AQR: variants seen among roughly 807,000 people sequenced by gnomAD.
The protein encoded by AQR is aquarius intron-binding spliceosomal factor.
Under a neutral mutation model 180.5 loss-of-function variants are expected in AQR, and 61 were observed. The observed-to-expected ratio is 0.34, with a 90% CI of 0.28 to 0.42. The LOEUF (loss-of-function observed/expected upper bound fraction) is 0.42. AQR is among the 10% of genes least tolerant of loss of function. The pLI, the probability that AQR is intolerant of heterozygous loss-of-function variation, is 1.00. For missense variants in AQR, 1,281 were observed against 1,798.3 expected, an observed-to-expected ratio of 0.71 and a Z score of 5.20; for synonymous variants, 551 against 588.8, an observed-to-expected ratio of 0.94 and a Z score of 0.93.
At chr15:34,947,100 C>G (rs1024140945) in intron 5 of AQR, among the ~76,000 whole-genome samples, 1 of 152,114 alleles carries the variant, frequency 6.6e-6, no homozygotes, top group African/African-American at 2.4e-5. Context: ...ATTGAGAAAT[C>G]GGATGGTTGC....
chr15:34,903,660 G>A (rs144983230), intron 19 of AQR, among the ~76,000 whole-genome samples: 3 of 152,192 alleles, frequency 2.0e-5, no homozygotes, highest in East Asian at 1.9e-4. Context: ...AAAATGATAG[G>A]AATGTCTAAG....
intron 23 of AQR, 54 bp downstream of exon 23, chr15:34,893,609 A>ATG: frequency 2.2e-5 from 9 of 402,348 alleles, no homozygotes; most frequent in Non-Finnish European, 1.9e-5. Flanking sequence ...GCATGCGTGC[A>ATG]CACACACACA....
In AQR at chr15:34,935,599, G is replaced by C. The variant is rs144217011; in HGVS notation, c.719-964C>G. Among the ~76,000 whole-genome samples the C allele has an allele frequency of 3.3e-5, 5 of 152,206 alleles. No individual in the cohort carries two copies. In the East Asian group the frequency reaches 9.7e-4, roughly 29 times the overall value. On this transcript the variant is annotated intron_variant, in intron 9 of 34. Transcript: ENST00000156471. ...TTAATATATACAGAAATGTTAACTG[G>C]AACTTTTTCAGCTAGCATATGCCCA...
In AQR at chr15:34,852,172, A is replaced by C. The variant is rs1433274021; in HGVS notation, c.*4620T>G. On this transcript the variant is annotated 3_prime_UTR_variant, in exon 35 of 35. Transcript: ENST00000156471. Reference sequence around the variant, plus strand: ...TCCCAAGGAAATAGCTACCTAAGTTATGTTTTTTTTTTTTTTTTGAAGGAG... The same window carrying C: ...TCCCAAGGAAATAGCTACCTAAGTTCTGTTTTTTTTTTTTTTTTGAAGGAG... 1 of 145,280 alleles carries C rather than the reference A, an allele frequency of 6.9e-6. No homozygotes were observed. The highest frequency in any genetic ancestry group is 2.7e-5 in the African/African-American group (1 of 36,818). 9.0% of individuals were successfully genotyped at this position (145,280 alleles called of 1,614,324 possible). A position where few individuals can be genotyped will look rare whatever the true frequency, so the allele number is the denominator to read the frequency against.
At chr15:34,959,104 TTC>T (rs1176576234) in intron 3 of AQR, among the ~76,000 whole-genome samples, 1 of 152,192 alleles carries the variant, frequency 6.6e-6, no homozygotes. Flanking sequence ...CTCCCCTCTT[TTC>T]TGTTGTACTG....
intron 7 of AQR, among the ~76,000 whole-genome samples, chr15:34,941,767 C>G (rs538902820): frequency 7.2e-5 from 11 of 152,100 alleles, no homozygotes; most frequent in South Asian, 2.1e-4. Context: ...AAATTAACCC[C>G]CTTTCTCTAT....
chr15:34,897,546 G>T lies in AQR; in HGVS notation c.2390+13C>A, dbSNP rs1479288416. The T allele has an allele frequency of 1.2e-6, 2 of 1,612,526 alleles. No homozygotes were observed. The highest frequency in any genetic ancestry group is 1.1e-5 in the South Asian group (1 of 90,996). On this transcript the variant is annotated intron_variant, in intron 21 of 34. Transcript: ENST00000156471. ...TTGTTCATCATTACAATTATAATAGGTAGTAAAATTACCGTTTGGGTTGAT... is the reference window on the plus strand; with the variant it reads ...TTGTTCATCATTACAATTATAATAGTTAGTAAAATTACCGTTTGGGTTGAT...
intron 22 of AQR, among the ~76,000 whole-genome samples, chr15:34,894,491 T>C (rs550180347): frequency 9.9e-5 from 15 of 152,098 alleles, no homozygotes; most frequent in Non-Finnish European, 1.8e-4. Flanking sequence ...TTATAAAAAG[T>C]GGTTTTTGTT....
chr15:34,899,128 C>T (rs1042075069), intron 20 of AQR, among the ~76,000 whole-genome samples: 10 of 149,040 alleles, frequency 6.7e-5, no homozygotes, highest in African/African-American at 2.0e-4. Context: ...AGAGACGGCG[C>T]GCCACTGCAC....
rs1220778750 is a variant in AQR at position 34,890,294 on chromosome 15, C to T, written c.2602G>A (p.Ala868Thr). 3 of 1,613,414 alleles carry T rather than the reference C, an allele frequency of 1.9e-6. No homozygotes were observed. In the African/African-American group the frequency reaches 4.0e-5, roughly 22 times the overall value. ...ALNQLFEKIM[A>T]LDIDERHLLR... is the part of the protein sequence containing the mutation. ...AGGTGGCGCTCATCAATGTCTAATG[C>T]CATGATTTTCTCAAACAACTGGTTT... The change falls in exon 24 of 35, where the codon GCA becomes ACA. Residue 868 changes from alanine (A) to threonine (T), a missense_variant. Transcript: ENST00000156471.
At chr15:34,863,105 T>TC in intron 32 of AQR, 64 bp from the exon 33 acceptor site, 16 of 1,473,588 alleles carry the variant, frequency 1.1e-5, no homozygotes, top group South Asian at 1.4e-5. Context: ...CAGCTTTTTT[T>TC]TTTTTCACAG....
chr15:34,950,604 T>C (rs1894213898), intron 4 of AQR, among the ~76,000 whole-genome samples: 2 of 152,282 alleles, frequency 1.3e-5, no homozygotes, highest in South Asian at 2.1e-4. Context: ...ATTATATTTC[T>C]TCTCTTATGC....
At chr15:34,915,683 C>T (rs1595795991) in intron 15 of AQR, among the ~76,000 whole-genome samples, 1 of 151,804 alleles carries the variant, frequency 6.6e-6, no homozygotes, top group African/African-American at 2.4e-5. Context: ...CGGTGGCTCA[C>T]GCCTGTAATC....
At chr15:34,936,215 C>T (rs1893941519) in intron 9 of AQR, among the ~76,000 whole-genome samples, 1 of 152,186 alleles carries the variant, frequency 6.6e-6, no homozygotes, top group East Asian at 1.9e-4. Flanking sequence ...TTTCCAACAA[C>T]TCATCTGGGC....
chr15:34,897,536 A>C, intron 21 of AQR, 23 bp downstream of exon 21: 1 of 1,611,722 alleles, frequency 6.2e-7, no homozygotes, highest in African/African-American at 1.3e-5. Context: ...CATCATTACA[A>C]TTATAATAGG....
chr15:34,893,561 TC>T, intron 23 of AQR, 101 bp downstream of exon 23: 2 of 924,248 alleles, frequency 2.2e-6, no homozygotes, highest in Non-Finnish European at 1.7e-6. Flanking sequence ...CACACTTACC[TC>T]CCCCTCAACC....
intron 13 of AQR, among the ~76,000 whole-genome samples, chr15:34,925,923 C>CT (rs1287812134): frequency 6.6e-6 from 1 of 152,062 alleles, no homozygotes; most frequent in African/African-American, 2.4e-5. Context: ...AATCCCGGCA[C>CT]TTTGAGAGGC....
intron 10 of AQR, among the ~76,000 whole-genome samples, chr15:34,934,289 T>C (rs897034908): frequency 6.7e-6 from 1 of 148,752 alleles, no homozygotes; most frequent in African/African-American, 2.4e-5. Flanking sequence ...TACTATATTA[T>C]TATACAATCC....
chr15:34,942,239 A>G (rs542821031), intron 6 of AQR, among the ~76,000 whole-genome samples, 159 bp from the exon 7 acceptor site: 8 of 152,246 alleles, frequency 5.3e-5, no homozygotes, highest in Middle Eastern at 3.4e-3. Context: ...ATGCTTTAAA[A>G]AAGACTCCAT....
Sources: gnomAD v4.1 joint callset for allele counts (sites outside exome capture counted in the v4.1 genomes callset) on GRCh38, gnomAD v4.1.1 for gene constraint, MANE v1.5 for transcripts, NCBI Gene and HGNC (gene_info 2026-07-23, HGNC 2026-07-21) for gene names.